NOL4L: variants seen among roughly 807,000 people sequenced by gnomAD.
The protein encoded by NOL4L is nucleolar protein 4 like.
Under a neutral mutation model 64.5 loss-of-function variants are expected in NOL4L, and 7 were observed. The observed-to-expected ratio is 0.11, with a 90% CI of 0.06 to 0.20. The LOEUF is 0.20. Among genes scored for constraint, NOL4L ranks in the 10% least tolerant of loss-of-function variants. The pLI is 1.00. For synonymous variants in NOL4L, 413 were observed against 401.0 expected (o/e 1.03, Z -0.36); for missense variants, 680 against 967.1 (o/e 0.70, Z 3.94).
At chr20:32,488,851 CTTTCTTTCT>C (rs2016309696) in intron 4 of NOL4L, among the ~76,000 whole-genome samples, 1 of 70,700 alleles carries the variant, frequency 1.4e-5, no homozygotes, top group African/African-American at 8.7e-5. Flanking sequence ...TTCTTTCTTT[CTTTCTTTCT>C]TTCTTTCTTT....
chr20:32,521,250 A>G (rs1374497016), intron 2 of NOL4L, among the ~76,000 whole-genome samples: 1 of 152,252 alleles, frequency 6.6e-6, no homozygotes, highest in African/African-American at 2.4e-5. Flanking sequence ...AAATGGGCTT[A>G]CAAACATTGC....
At chr20:32,483,602 A>C in intron 4 of NOL4L, 1 of 336,914 alleles carries the variant, frequency 3.0e-6, no homozygotes, top group Non-Finnish European at 3.4e-6. Flanking sequence ...AGGAAGGGGG[A>C]GGGGGCACCG....
At position 32,498,244 on chromosome 20, in the gene NOL4L, G is replaced by A. The variant is rs558060716; in HGVS notation, c.699+13103C>T. On this transcript the variant is annotated intron_variant, in intron 4 of 10. Coordinates refer to ENST00000621426, the MANE Select transcript of NOL4L (RefSeq NM_001256798.2). Reference sequence around the variant, plus strand: ...AAAGAAAAGACACAGACCTCTCCCAGCTCAGGTTGCCCTCACAAAACAGAG... The same window carrying A: ...AAAGAAAAGACACAGACCTCTCCCAACTCAGGTTGCCCTCACAAAACAGAG... 1.5e-4 allele frequency among the ~76,000 whole-genome samples: 23 copies of A among 152,250 alleles called. 1 individual carries two copies. In the South Asian group the frequency reaches 4.8e-3, roughly 32 times the overall value.
chr20:32,529,391 C>T (rs904805616), intron 1 of NOL4L, among the ~76,000 whole-genome samples: 13 of 152,262 alleles, frequency 8.5e-5, no homozygotes, highest in African/African-American at 2.9e-4. Flanking sequence ...GGGCAACCCT[C>T]GGAGGTTGTT....
intron 3 of NOL4L, among the ~76,000 whole-genome samples, chr20:32,517,910 AG>A (rs1461016727): frequency 2.0e-5 from 3 of 152,020 alleles, no homozygotes; most frequent in Non-Finnish European, 4.4e-5. Flanking sequence ...CTCCTGGGAG[AG>A]CTTGGATGTA....
At chr20:32,505,973 T>C (rs2017125559) in intron 4 of NOL4L, among the ~76,000 whole-genome samples, 1 of 152,206 alleles carries the variant, frequency 6.6e-6, no homozygotes. Context: ...TTGGTGATGG[T>C]TGTGCAACAT....
In NOL4L at chr20:32,447,449, C is replaced by A; in HGVS notation, c.*147G>T. ...AAAAAAGTGTCCTTGTGCCCAAAGTCTCAGGTGCTTGGAGTGTGGCTAGAA... is the reference window on the plus strand; with the variant it reads ...AAAAAAGTGTCCTTGTGCCCAAAGTATCAGGTGCTTGGAGTGTGGCTAGAA... On this transcript the variant is annotated 3_prime_UTR_variant, in exon 11 of 11. Transcript: ENST00000621426. The A allele has an allele frequency of 2.3e-5, 14 of 602,056 alleles. No individual in the cohort carries two copies. Among genetic ancestry groups the A allele is most frequent in the Non-Finnish European group, 2.6e-5 (10 of 379,328 alleles). 37.3% of individuals were successfully genotyped at this position (602,056 alleles called of 1,614,324 possible).
chr20:32,490,144 A>T (rs12151853), intron 4 of NOL4L, among the ~76,000 whole-genome samples: 4,600 of 122,174 alleles, frequency 0.038, 254 homozygotes, highest in African/African-American at 0.084. Context: ...AAAAAAAAAA[A>T]ATATATATAC....
intron 1 of NOL4L, among the ~76,000 whole-genome samples, chr20:32,530,758 C>T (rs2018317488): frequency 6.6e-6 from 1 of 151,926 alleles, no homozygotes; most frequent in African/African-American, 2.4e-5. Context: ...CCCGTCTCTA[C>T]TAAAAATAGA....
At chr20:32,476,183 TCA>T (rs2015380631) in intron 4 of NOL4L, among the ~76,000 whole-genome samples, 1 of 136,866 alleles carries the variant, frequency 7.3e-6, no homozygotes, top group South Asian at 2.4e-4. Flanking sequence ...GAAAACTCGC[TCA>T]CACACCCGGA....
intron 1 of NOL4L, among the ~76,000 whole-genome samples, chr20:32,562,680 C>A (rs1480943310): frequency 6.6e-6 from 1 of 151,988 alleles, no homozygotes; most frequent in Non-Finnish European, 1.5e-5. Context: ...ATGCTCCCGG[C>A]CTGGTATCCT....
Position 32,456,160 on chromosome 20 carries a change from C to G in NOL4L, c.1077G>C (p.Gly359=). The change falls in exon 6 of 11, where the codon GGG becomes GGC. Residue 359 remains glycine, a synonymous_variant. Transcript: ENST00000621426. ...CCCCGTATTTGACGCGGCTCCGCAGCCCGTCGGCACCGCAGCCATCCGAGG... is the reference window on the plus strand; with the variant it reads ...CCCCGTATTTGACGCGGCTCCGCAGGCCGTCGGCACCGCAGCCATCCGAGG... The part of the protein sequence containing the change: ...SYPSDGCGAD[G]LRSRVKYGVK... The G allele has an allele frequency of 2.5e-6, 4 of 1,572,466 alleles. No individual in the cohort carries two copies. The highest frequency in any genetic ancestry group is 1.4e-5 in the African/African-American group (1 of 73,566).
At chr20:32,503,433 C>T (rs761675773) in intron 4 of NOL4L, among the ~76,000 whole-genome samples, 13 of 152,004 alleles carry the variant, frequency 8.6e-5, no homozygotes, top group Non-Finnish European at 1.6e-4. Context: ...GGTAGAAGCT[C>T]GGGAGGCTGG....
chr20:32,539,212 G>A (rs750516448), intron 1 of NOL4L, among the ~76,000 whole-genome samples: 16 of 152,214 alleles, frequency 1.1e-4, no homozygotes, highest in Non-Finnish European at 2.2e-4. Flanking sequence ...GGTTAAGCAC[G>A]TGAGTTCTGC....
rs1197486528 is a variant in NOL4L at position 32,584,832 on chromosome 20, T to C, written c.59A>G (p.Asp20Gly). The change falls in exon 1 of 11, where the codon GAC (aspartate) becomes GGC (glycine). Residue 20 changes from aspartate (D) to glycine (G), a missense_variant. By Grantham distance (94) the Asp-to-Gly change is moderately conservative. Coordinates refer to ENST00000621426, the MANE Select transcript of NOL4L (RefSeq NM_001256798.2). ...GGWERERSPG[D>G]SELGRQFRDW... is the part of the protein sequence containing the mutation. ...CCGGAACTGGCGGCCCAGCTCCGAG[T>C]CCCCGGGGCTGCGCTCGCGCTCCCA... 6.7e-7 allele frequency: 1 copy of C among 1,490,724 alleles called. No individual in the cohort carries two copies. Among genetic ancestry groups the C allele is most frequent in the East Asian group, 2.7e-5 (1 of 36,520 alleles). The allele number at this position is 1,490,724 out of a possible 1,614,324, so 92.3% of individuals were successfully genotyped here.
chr20:32,567,559 G>A (rs1979503651), intron 1 of NOL4L, among the ~76,000 whole-genome samples: 1 of 152,216 alleles, frequency 6.6e-6, no homozygotes, highest in South Asian at 2.1e-4. Context: ...CCTGTGCTGA[G>A]TCCCCCACAG....
intron 5 of NOL4L, among the ~76,000 whole-genome samples, chr20:32,466,845 T>C (rs1308727473): frequency 6.6e-6 from 1 of 152,144 alleles, no homozygotes. Flanking sequence ...GGGCCACACC[T>C]CCTGCCATGC....
intron 1 of NOL4L, among the ~76,000 whole-genome samples, chr20:32,558,825 C>CGTTTCGGAAGA (rs1978824394): frequency 6.6e-6 from 1 of 152,154 alleles, no homozygotes; most frequent in African/African-American, 2.4e-5. Context: ...GTGTGATTTA[C>CGTTTCGGAAGA]GTTTCGGAAG....
intron 2 of NOL4L, among the ~76,000 whole-genome samples, chr20:32,521,874 G>A (rs570642607): frequency 2.0e-5 from 3 of 152,174 alleles, no homozygotes; most frequent in Non-Finnish European, 4.4e-5. Flanking sequence ...GGGTCCTCCC[G>A]CACCTCTCCA....
Sources: gnomAD v4.1 joint callset for allele counts (sites outside exome capture counted in the v4.1 genomes callset) on GRCh38, gnomAD v4.1.1 for gene constraint, MANE v1.5 for transcripts, NCBI Gene and HGNC (gene_info 2026-07-23, HGNC 2026-07-21) for gene names.